Variants in BMAL1 observed in about 807,000 individuals in gnomAD.
BMAL1 encodes the protein basic helix-loop-helix ARNT like 1.
At chr11:13,279,834 G>T in the BMAL1 span, among the ~76,000 whole-genome samples, 1 of 152,228 alleles carries the variant, frequency 6.6e-6, no homozygotes, top group South Asian at 2.1e-4. Context: ...GCCAGTGAAT[G>T]ATAACAATAA....
chr11:13,376,738 T>C, the BMAL1 span: 2 of 1,612,540 alleles, frequency 1.2e-6, no homozygotes, highest in Non-Finnish European at 1.7e-6. Context: ...GGTAACTATG[T>C]GCTGCTGGGG....
the BMAL1 span, among the ~76,000 whole-genome samples, chr11:13,338,820 AC>A: frequency 6.6e-6 from 1 of 152,170 alleles, no homozygotes; most frequent in African/African-American, 2.4e-5. Context: ...ACCAAAGGAG[AC>A]ACGTCAGGGC....
the BMAL1 span, among the ~76,000 whole-genome samples, chr11:13,347,107 T>C: frequency 6.6e-6 from 1 of 152,204 alleles, no homozygotes; most frequent in East Asian, 1.9e-4. Context: ...AGAGAGGCTT[T>C]TGAGGCTGGG....
the BMAL1 span, among the ~76,000 whole-genome samples, chr11:13,341,328 T>C: frequency 6.6e-6 from 1 of 152,224 alleles, no homozygotes; most frequent in Non-Finnish European, 1.5e-5. Flanking sequence ...GCCTTGCTCT[T>C]TATTGTGGTG....
At chr11:13,355,820 A>G in the BMAL1 span, among the ~76,000 whole-genome samples, 1 of 151,956 alleles carries the variant, frequency 6.6e-6, no homozygotes, top group African/African-American at 2.4e-5. Flanking sequence ...ACACTGTTCT[A>G]GAATGCCCAT....
the BMAL1 span, chr11:13,372,518 A>G: frequency 1.3e-6 from 2 of 1,504,818 alleles, no homozygotes; most frequent in South Asian, 2.7e-5. Context: ...GAATGAAGAA[A>G]GAAAGAAAAA....
the BMAL1 span, among the ~76,000 whole-genome samples, chr11:13,280,304 A>G: frequency 1.3e-5 from 2 of 152,266 alleles, no homozygotes; most frequent in East Asian, 3.8e-4. Flanking sequence ...AGGAAAAGGA[A>G]GTGGCCATGT....
chr11:13,304,882 T>G, the BMAL1 span, among the ~76,000 whole-genome samples: 2 of 152,222 alleles, frequency 1.3e-5, no homozygotes, highest in African/African-American at 4.8e-5. Context: ...TGCCTTCTGT[T>G]CTTTGTGTGT....
At chr11:13,355,252 A>G in the BMAL1 span, 2 of 1,613,642 alleles carry the variant, frequency 1.2e-6, no homozygotes, top group African/African-American at 1.3e-5. Context: ...GGGGAGCACA[A>G]TGGCTGGAGG....
the BMAL1 span, among the ~76,000 whole-genome samples, chr11:13,367,154 A>G: frequency 0.023 from 3,504 of 152,176 alleles, 149 homozygotes; most frequent in African/African-American, 0.081. Context: ...ATTTACCTGA[A>G]TTGCACACAG....
At chr11:13,358,005 C>T in the BMAL1 span, among the ~76,000 whole-genome samples, 5 of 152,230 alleles carry the variant, frequency 3.3e-5, no homozygotes, top group Non-Finnish European at 7.3e-5. Context: ...GCCCAGGTCA[C>T]ATGGCCACAC....
the BMAL1 span, chr11:13,385,762 A>G: frequency 6.2e-7 from 1 of 1,613,280 alleles, no homozygotes; most frequent in Non-Finnish European, 8.5e-7. Flanking sequence ...AACCCAGGTT[A>G]TCCATATTCT....
the BMAL1 span, among the ~76,000 whole-genome samples, chr11:13,287,250 A>G: frequency 6.6e-6 from 1 of 152,228 alleles, no homozygotes; most frequent in African/African-American, 2.4e-5. Flanking sequence ...AGTGCATTCT[A>G]GGGTAAGGGA....
the BMAL1 span, chr11:13,355,404 G>A: frequency 2.8e-6 from 3 of 1,086,324 alleles, no homozygotes; most frequent in East Asian, 2.4e-5. Flanking sequence ...CAGAAAGACT[G>A]CGAGATGTTG....
the BMAL1 span, among the ~76,000 whole-genome samples, chr11:13,386,193 T>G: frequency 1.4e-4 from 21 of 152,256 alleles, no homozygotes; most frequent in Admixed American, 5.2e-4. Context: ...CCCTGGGCTT[T>G]CTAGATCTGT....
chr11:13,354,548 G>C, the BMAL1 span: 8,783 of 1,475,174 alleles, frequency 6.0e-3, 44 homozygotes, highest in South Asian at 0.01. Context: ...TGGAAAAGGG[G>C]ATGGGAATAA....
chr11:13,279,097 C>T, the BMAL1 span, among the ~76,000 whole-genome samples: 1 of 152,346 alleles, frequency 6.6e-6, no homozygotes, highest in African/African-American at 2.4e-5. Flanking sequence ...CCCCTCTCCC[C>T]TCTCCGCCTC....
chr11:13,307,090 C>T, the BMAL1 span, among the ~76,000 whole-genome samples: 4 of 152,204 alleles, frequency 2.6e-5, no homozygotes, highest in East Asian at 3.8e-4. Context: ...TAGGCCGGAT[C>T]GTCTGCCCAC....
At chr11:13,326,765 G>C in the BMAL1 span, among the ~76,000 whole-genome samples, 1 of 151,504 alleles carries the variant, frequency 6.6e-6, no homozygotes, top group Non-Finnish European at 1.5e-5. Context: ...AGATAATACA[G>C]AGTTGTGATA....
Sources: allele counts gnomAD v4.1 joint callset (sites outside exome capture counted in the v4.1 genomes callset), GRCh38; gene constraint gnomAD v4.1.1; transcripts MANE v1.5; gene names NCBI Gene and HGNC (gene_info 2026-07-23, HGNC 2026-07-21).